The following TIAM2 variants were observed in gnomAD, a reference collection of about 807,000 sequenced individuals.
TIAM2 encodes the protein TIAM Rac1 associated GEF 2.
Under a neutral mutation model 152.9 loss-of-function variants are expected in TIAM2, and 80 were observed. The ratio of observed to expected loss-of-function variants is 0.52; its 90% confidence interval spans 0.44 to 0.63. The LOEUF is 0.63. Ranked by LOEUF, TIAM2 falls within the 30% of genes least tolerant of loss-of-function variation. The pLI is 0.00. For missense variants in TIAM2, 1,965 were observed against 2,120.1 expected (o/e 0.93, Z 1.44); for synonymous variants, 804 against 838.0 (o/e 0.96, Z 0.70).
At chr6:155,030,129 C>A (rs1056130321) in intron 1 of TIAM2, among the ~76,000 whole-genome samples, 1 of 152,044 alleles carries the variant, frequency 6.6e-6, no homozygotes, top group Non-Finnish European at 1.5e-5. Context: ...ACTTGTAAAG[C>A]AAATGGGCTT....
At chr6:155,101,827 G>A (rs918595159) in intron 2 of TIAM2, among the ~76,000 whole-genome samples, 2 of 151,462 alleles carry the variant, frequency 1.3e-5, no homozygotes, top group African/African-American at 4.9e-5. Flanking sequence ...TCAGCCTCCC[G>A]AGTAGCTGAG....
chr6:155,205,147 A>G (rs997029741), intron 14 of TIAM2, among the ~76,000 whole-genome samples: 1 of 126,270 alleles, frequency 7.9e-6, no homozygotes, highest in African/African-American at 3.0e-5. Flanking sequence ...TCTGGGGGAT[A>G]CATTCAAACT....
intron 2 of TIAM2, among the ~76,000 whole-genome samples, chr6:155,112,433 G>T (rs1328433164): frequency 1.3e-5 from 2 of 151,956 alleles, no homozygotes; most frequent in African/African-American, 2.4e-5. Context: ...AGGTCTCTTG[G>T]TTCCTCTTAA....
At chr6:155,162,418 A>G (rs1780295886) in intron 7 of TIAM2, among the ~76,000 whole-genome samples, 1 of 152,248 alleles carries the variant, frequency 6.6e-6, no homozygotes, top group South Asian at 2.1e-4. Flanking sequence ...AAAGGAATCC[A>G]TCTATAATTG....
intron 1 of TIAM2, among the ~76,000 whole-genome samples, chr6:155,060,597 TG>T (rs557175634): frequency 6.8e-4 from 103 of 152,148 alleles, no homozygotes; most frequent in African/African-American, 2.2e-3. Context: ...CTTTGGTGAT[TG>T]AAAGCCCTTT....
chr6:155,016,349 GAGAAA>G (rs903772143), intron 1 of TIAM2: 6 of 152,142 alleles, frequency 3.9e-5, no homozygotes, highest in African/African-American at 1.4e-4. Flanking sequence ...GGATTCCCAT[GAGAAA>G]AGAAAAGGCA....
chr6:155,226,019 C>T (rs1461783907), intron 15 of TIAM2, among the ~76,000 whole-genome samples: 1 of 152,210 alleles, frequency 6.6e-6, no homozygotes, highest in Non-Finnish European at 1.5e-5. Flanking sequence ...ATACTTATAA[C>T]TTTCCTCCCA....
chr6:155,251,726 A>C (rs1453396056), intron 22 of TIAM2, among the ~76,000 whole-genome samples: 2 of 152,266 alleles, frequency 1.3e-5, no homozygotes, highest in African/African-American at 4.8e-5. Context: ...AAAAAAGCCA[A>C]GATCAACTTC....
At chr6:155,125,710 C>T (rs565278936) in intron 2 of TIAM2, among the ~76,000 whole-genome samples, 11 of 152,046 alleles carry the variant, frequency 7.2e-5, no homozygotes, top group East Asian at 1.9e-4. Context: ...CAATGGTGCG[C>T]GCCTATAATC....
chr6:155,170,257 T>G (rs998318), intron 9 of TIAM2, among the ~76,000 whole-genome samples: 37,655 of 123,590 alleles, frequency 0.3, 5,864 homozygotes, highest in Admixed American at 0.41. Context: ...TGGCTGAGGA[T>G]GACTGATTTG....
At chr6:155,027,499 CTATA>C (rs202037107) in intron 1 of TIAM2, among the ~76,000 whole-genome samples, 2 of 85,630 alleles carry the variant, frequency 2.3e-5, no homozygotes, top group East Asian at 3.0e-4. Context: ...TACATATATA[CTATA>C]TATAATATAT....
At chr6:155,158,490 C>G (rs569888381) in intron 7 of TIAM2, among the ~76,000 whole-genome samples, 1 of 151,832 alleles carries the variant, frequency 6.6e-6, no homozygotes, top group South Asian at 2.1e-4. Context: ...TCAGTCTTGT[C>G]TTTTTTATGT....
intron 7 of TIAM2, among the ~76,000 whole-genome samples, chr6:155,153,470 TG>T (rs1471856605): frequency 6.6e-6 from 1 of 152,068 alleles, no homozygotes; most frequent in Non-Finnish European, 1.5e-5. Flanking sequence ...AAATTCTACC[TG>T]GAAGTATTCT....
Position 155,094,730 on chromosome 6 carries a change from TTTTTTTTG to T in TIAM2, c.-118+4375_-118+4382del, listed in dbSNP as rs913108742. 2.4e-4 allele frequency among the ~76,000 whole-genome samples: 34 copies of T among 143,204 alleles called. No homozygotes were observed. In the South Asian group the frequency reaches 3.9e-3, roughly 17 times the overall value. 93.9% of individuals were successfully genotyped at this position (143,204 alleles called of 152,430 possible). Reference sequence around the variant, plus strand: ...ATACCTGGCTATATCTATGGTTTTTTTTTTTTTGTTTTTTTGTTTTTTTGTTTTTTTTT... The same window carrying T: ...ATACCTGGCTATATCTATGGTTTTTTTTTTTTTGTTTTTTTGTTTTTTTTT... On this transcript the variant is annotated intron_variant, in intron 2 of 26. Coordinates refer to ENST00000682666, the MANE Select transcript of TIAM2 (RefSeq NM_012454.4).
chr6:155,118,538 T>C (rs58317451), intron 2 of TIAM2, among the ~76,000 whole-genome samples: 3,285 of 151,652 alleles, frequency 0.022, 114 homozygotes, highest in African/African-American at 0.076. Context: ...ATTCAAGTGT[T>C]TCTCCTGTCT....
chr6:155,250,567 T>C lies in TIAM2; in HGVS notation c.3952-346T>C, dbSNP rs1351057964. 4 of 1,535,984 alleles carry C rather than the reference T, an allele frequency of 2.6e-6. No homozygotes were observed. In the South Asian group the frequency reaches 3.6e-5, roughly 14 times the overall value. On this transcript the variant is annotated intron_variant, in intron 21 of 26. Coordinates refer to ENST00000682666, the MANE Select transcript of TIAM2 (RefSeq NM_012454.4). ...CCGAATGGAGCTCAGAGGTGATGGA[T>C]GTACTAGATCCCAGGGGAAAGCTTA... is the stretch of plus-strand genomic sequence containing the variant.
At chr6:155,168,227 T>G (rs181695429) in intron 9 of TIAM2, among the ~76,000 whole-genome samples, 6 of 152,342 alleles carry the variant, frequency 3.9e-5, no homozygotes, top group African/African-American at 7.2e-5. Flanking sequence ...AACATTTAGC[T>G]ATATTTTCTT....
Position 155,211,279 on chromosome 6 carries a change from A to C in TIAM2, c.3140A>C (p.His1047Pro). ...QTDGTLDQVS[H>P]REKMEQTFRS... ...GATGGCACTCTGGATCAGGTTTCCC[A>C]CAGGGAGAAAATGGAGCAGACATTC... Residue 1047 changes from histidine to proline, a missense_variant, in exon 15 of 27, where the codon CAC (histidine) becomes CCC (proline). Transcript: ENST00000682666. 6.2e-7 allele frequency: 1 copy of C among 1,613,530 alleles called. No homozygotes were observed. Among genetic ancestry groups the C allele is most frequent in the South Asian group, 1.1e-5 (1 of 91,076 alleles).
chr6:155,056,262 G>A (rs1406662350), intron 1 of TIAM2, among the ~76,000 whole-genome samples: 1 of 142,472 alleles, frequency 7.0e-6, no homozygotes, highest in Admixed American at 7.5e-5. Flanking sequence ...ACCTCCGCTT[G>A]CTGGGTTCAA....
Sources: allele counts gnomAD v4.1 joint callset (sites outside exome capture counted in the v4.1 genomes callset), GRCh38; gene constraint gnomAD v4.1.1; transcripts MANE v1.5; gene names NCBI Gene and HGNC (gene_info 2026-07-23, HGNC 2026-07-21).